LIMA1: variants seen among roughly 807,000 people sequenced by gnomAD.
LIMA1 encodes LIM domain and actin binding 1.
A neutral mutation model predicts 62.6 loss-of-function variants in LIMA1; 52 were observed. The ratio of observed to expected loss-of-function variants is 0.83; its 90% CI spans 0.67 to 1.05. LIMA1 has a LOEUF of 1.05. LIMA1 is among the 50% of genes least tolerant of loss of function. The pLI is 0.00. For synonymous variants in LIMA1, 302 were observed against 317.8 expected (o/e 0.95, Z 0.53); for missense variants, 780 against 902.2 (o/e 0.86, Z 1.74).
At chr12:50,188,754 G>T (rs893534199) in intron 9 of LIMA1, 1 of 152,336 alleles carries the variant, frequency 6.6e-6, no homozygotes, top group Admixed American at 6.5e-5. Context: ...GAACTTGAGT[G>T]GGGAGGGATC....
chr12:50,217,882 A>G, intron 4 of LIMA1: 1 of 159,478 alleles, frequency 6.3e-6, no homozygotes. Context: ...CATTTCAAGC[A>G]TTTCAAGTGA....
At chr12:50,226,806 T>A (rs574318355) in intron 3 of LIMA1, among the ~76,000 whole-genome samples, 95 of 146,374 alleles carry the variant, frequency 6.5e-4, no homozygotes, top group African/African-American at 2.1e-3. Flanking sequence ...GCCACTGCAC[T>A]CCAGCCTGGC....
At chr12:50,279,567 C>T (rs1311149061) in intron 1 of LIMA1, among the ~76,000 whole-genome samples, 1 of 152,018 alleles carries the variant, frequency 6.6e-6, no homozygotes, top group Non-Finnish European at 1.5e-5. Context: ...GTGAACCCGG[C>T]ATTTAAGGGG....
chr12:50,264,017 G>A (rs1297713075), intron 1 of LIMA1, among the ~76,000 whole-genome samples: 2 of 151,464 alleles, frequency 1.3e-5, no homozygotes. Context: ...CCATACAAGG[G>A]AATATTATTC....
rs1940391319 is a variant in LIMA1, at chr12:50,177,906, G to A, written c.1438C>T (p.Gln480Ter). ...GGGGTCTCCCTTGCATTTGCAAGCT[G>A]GGCTGGTCTCTCCAAAATCTCTTCG... Reference protein sequence around the residue: ...ENEEILERPAQLANARETPHS... With the variant: ...ENEEILERPA The change falls in exon 11 of 11, where the codon CAG (glutamine) becomes TAG (stop). Residue 480 changes from glutamine (Q) to a stop codon, truncating the protein, a stop_gained. Coordinates refer to ENST00000341247, the MANE Select transcript of LIMA1 (RefSeq NM_016357.5). LOFTEE classifies it high-confidence loss of function. The A allele has an allele frequency of 6.2e-7, 1 of 1,614,014 alleles. No homozygotes were observed. The highest frequency in any genetic ancestry group is 8.5e-7 in the Non-Finnish European group (1 of 1,179,982).
At chr12:50,222,529 A>G in intron 3 of LIMA1, 44 bp from the exon 4 acceptor site, 1 of 1,612,582 alleles carries the variant, frequency 6.2e-7, no homozygotes. Flanking sequence ...TTGCCTGCTG[A>G]AACATTCAAA....
At position 50,263,849 on chromosome 12, in the gene LIMA1, T is replaced by TAG. The variant is rs1185588436; in HGVS notation, c.-23-15076_-23-15075insCT. 1.9e-3 allele frequency among the ~76,000 whole-genome samples: 197 copies of TAG among 102,794 alleles called. 3 individuals are homozygous for TAG. The highest frequency in any genetic ancestry group is 0.012 in the East Asian group (42 of 3,536). The allele number at this position is 102,794 out of a possible 152,430, so 67.4% of individuals were successfully genotyped here. On this transcript the variant is annotated intron_variant, in intron 1 of 10. Coordinates refer to ENST00000341247, the MANE Select transcript of LIMA1 (RefSeq NM_016357.5). ...TATAGAGAGAGTATATATATATATA[T>TAG]ATAGAGAGTATATATATATATATAT...
Position 50,206,008 on chromosome 12 carries a change from G to T in LIMA1, c.691C>A (p.Leu231Ile). Residue 231 changes from leucine (L) to isoleucine (I), a missense_variant, in exon 5 of 11, where the codon CTA becomes ATA. Coordinates refer to ENST00000341247, the MANE Select transcript of LIMA1 (RefSeq NM_016357.5). ...GRKISENSYS[L>I]DDLEIGPGQL... is the part of the protein sequence containing the mutation. ...CCTGGGCCTATTTCCAGGTCATCTA[G>T]AGAATAGCTGTTTTCAGAGATCTTC... is the stretch of plus-strand genomic sequence containing the variant. 1 of 1,612,170 alleles carries T rather than the reference G, an allele frequency of 6.2e-7. No homozygotes were observed. The highest frequency in any genetic ancestry group is 1.1e-5 in the South Asian group (1 of 90,854).
intron 4 of LIMA1, among the ~76,000 whole-genome samples, chr12:50,211,370 G>A (rs1220072190): frequency 1.3e-5 from 2 of 148,464 alleles, no homozygotes; most frequent in Admixed American, 6.7e-5. Context: ...AAGGCTGGGC[G>A]TGGTAGCTCA....
chr12:50,232,199 A>G (rs1462034259), intron 2 of LIMA1, among the ~76,000 whole-genome samples: 4 of 151,362 alleles, frequency 2.6e-5, no homozygotes, highest in African/African-American at 9.7e-5. Context: ...GGCTGGGACT[A>G]TGTAAGTGCA....
rs555323460 is a variant in LIMA1, at chr12:50,178,964, A to ATTTTTTT, written c.1275-896_1275-895insAAAAAAA. ...GGTATATAAATACATATATATATAT[A>ATTTTTTT]TATTTTTTTTTTCTTTTTCTTTTCT... On this transcript the variant is annotated intron_variant, in intron 10 of 10. Coordinates refer to ENST00000341247, the MANE Select transcript of LIMA1 (RefSeq NM_016357.5). Among the ~76,000 whole-genome samples the ATTTTTTT allele has an allele frequency of 2.3e-4, 21 of 92,238 alleles. No individual in the cohort carries two copies. In the South Asian group the frequency reaches 2.8e-3, roughly 12 times the overall value. 60.5% of individuals were successfully genotyped at this position (92,238 alleles called of 152,430 possible).
At chr12:50,190,855 T>C (rs1940750339) in intron 9 of LIMA1, among the ~76,000 whole-genome samples, 1 of 149,580 alleles carries the variant, frequency 6.7e-6, no homozygotes, top group African/African-American at 2.5e-5. Flanking sequence ...TGGTGGCTCA[T>C]ACCTGTAATC....
intron 1 of LIMA1, among the ~76,000 whole-genome samples, chr12:50,281,673 G>T (rs899088046): frequency 6.6e-6 from 1 of 152,170 alleles, no homozygotes; most frequent in African/African-American, 2.4e-5. Flanking sequence ...TAACAACAGG[G>T]TCTAATCCCA....
intron 4 of LIMA1, chr12:50,219,683 CTCTTCCA>C (rs1410804561): frequency 6.6e-6 from 1 of 152,108 alleles, no homozygotes; most frequent in Admixed American, 6.6e-5. Flanking sequence ...AATCTTATGT[CTCTTCCA>C]TCTTCTTGTT....
intron 1 of LIMA1, among the ~76,000 whole-genome samples, chr12:50,258,242 AGTG>A (rs1942022682): frequency 6.6e-6 from 1 of 152,118 alleles, no homozygotes; most frequent in Non-Finnish European, 1.5e-5. Flanking sequence ...TAGGCGTCTT[AGTG>A]GACAAAACCA....
At chr12:50,187,803 C>T (rs1270916457) in intron 9 of LIMA1, 4 of 152,178 alleles carry the variant, frequency 2.6e-5, no homozygotes, top group Non-Finnish European at 2.9e-5. Flanking sequence ...TTGGTTGTCC[C>T]GTACACAGTG....
chr12:50,210,191 G>A (rs900798980), intron 4 of LIMA1, among the ~76,000 whole-genome samples: 10 of 152,008 alleles, frequency 6.6e-5, no homozygotes, highest in African/African-American at 1.9e-4. Context: ...GGGAGGCCGA[G>A]GCAGGTGGAT....
chr12:50,278,330 G>A (rs1237163937), intron 1 of LIMA1, among the ~76,000 whole-genome samples: 4 of 152,170 alleles, frequency 2.6e-5, no homozygotes, highest in Non-Finnish European at 4.4e-5. Context: ...TCTGAGGCAG[G>A]AGAATGGCAT....
At chr12:50,269,161 TAGC>T (rs1470974403) in intron 1 of LIMA1, among the ~76,000 whole-genome samples, 1 of 152,216 alleles carries the variant, frequency 6.6e-6, no homozygotes, top group Non-Finnish European at 1.5e-5. Flanking sequence ...TTAATAATGA[TAGC>T]AGTGGTGGTA....
Sources: gnomAD v4.1 joint callset for allele counts (sites outside exome capture counted in the v4.1 genomes callset) on GRCh38, gnomAD v4.1.1 for gene constraint, MANE v1.5 for transcripts, NCBI Gene and HGNC (gene_info 2026-07-23, HGNC 2026-07-21) for gene names.